Variants in ANO4 observed in about 807,000 individuals in gnomAD.
The protein encoded by ANO4 is anoctamin-4.
ANO4 carries 69 observed loss-of-function variants against 141.9 expected under a neutral mutation model. The ratio of observed to expected loss-of-function variants is 0.49; its 90% CI spans 0.40 to 0.59. The LOEUF is 0.59. Ranked by LOEUF, ANO4 falls within the 20% of genes least tolerant of loss-of-function variation. The pLI is 0.00. For missense variants in ANO4, 894 were observed against 1,162.2 expected (o/e 0.77, Z 3.36); for synonymous variants, 350 against 394.3 (o/e 0.89, Z 1.33).
intron 2 of ANO4, among the ~76,000 whole-genome samples, chr12:100,921,479 C>T (rs1456876517): frequency 1.3e-5 from 2 of 152,118 alleles, no homozygotes; most frequent in South Asian, 2.1e-4. Context: ...TGGCAGACTC[C>T]TCAAATCGGA....
At chr12:101,077,968 G>A (rs892178729) in intron 14 of ANO4, among the ~76,000 whole-genome samples, 1 of 151,964 alleles carries the variant, frequency 6.6e-6, no homozygotes, top group Non-Finnish European at 1.5e-5. Flanking sequence ...TATCTGATCT[G>A]GATTTCAAAT....
chr12:100,770,228 C>T (rs11110510), intron 3 of ANO4, among the ~76,000 whole-genome samples: 18,396 of 152,036 alleles, frequency 0.12, 1,422 homozygotes, highest in East Asian at 0.32. Flanking sequence ...TCAGAATCAC[C>T]GGGAGTGCTT....
chr12:100,752,167 C>G (rs1004944797), intron 3 of ANO4, among the ~76,000 whole-genome samples: 1 of 152,126 alleles, frequency 6.6e-6, no homozygotes, highest in South Asian at 2.1e-4. Context: ...TCCTTCTCTC[C>G]CTTCTCTTAA....
chr12:100,940,583 TG>T (rs1292476843), intron 4 of ANO4, among the ~76,000 whole-genome samples: 2 of 152,226 alleles, frequency 1.3e-5, no homozygotes, highest in Non-Finnish European at 2.9e-5. Context: ...TAGTGAGGAT[TG>T]GTCATCAATT....
intron 3 of ANO4, among the ~76,000 whole-genome samples, chr12:100,933,360 G>A (rs1248228653): frequency 3.9e-5 from 6 of 152,072 alleles, no homozygotes; most frequent in African/African-American, 1.4e-4. Flanking sequence ...ATGAGTGAGA[G>A]CATGCGGTGT....
In ANO4 at chr12:100,974,854, C is replaced by G. The variant is rs1346144989; in HGVS notation, c.567C>G (p.Ile189Met). ...TTTGCTGTTCTTCCAGGAGAAAAAT[C>G]TATTACCTGCCCCGCCGTTACAAGT... ...MNVRMPFRRK[I>M]YYLPRRYKFM... Residue 189 changes from isoleucine to methionine, a missense_variant, in exon 7 of 28, where the codon ATC becomes ATG. Transcript: ENST00000392977. 1.9e-6 allele frequency: 3 copies of G among 1,613,674 alleles called. No individual in the cohort carries two copies. Among genetic ancestry groups the G allele is most frequent in the South Asian group, 1.1e-5 (1 of 91,066 alleles).
chr12:100,959,504 A>G (rs1428053644), intron 5 of ANO4, among the ~76,000 whole-genome samples: 1 of 151,922 alleles, frequency 6.6e-6, no homozygotes, highest in Non-Finnish European at 1.5e-5. Flanking sequence ...CCATCTCCTC[A>G]CCTACCATTC....
chr12:100,807,242 A>G (rs1220958434), intron 1 of ANO4, among the ~76,000 whole-genome samples: 2 of 152,114 alleles, frequency 1.3e-5, no homozygotes, highest in Non-Finnish European at 2.9e-5. Context: ...GATGATTTTT[A>G]CTTGGGCCAA....
intron 8 of ANO4, among the ~76,000 whole-genome samples, chr12:101,004,541 CAG>C (rs1364105056): frequency 6.6e-6 from 1 of 152,142 alleles, no homozygotes; most frequent in Non-Finnish European, 1.5e-5. Context: ...CCTGTACTGA[CAG>C]AGCATATCAG....
chr12:100,987,626 G>C lies in ANO4; in HGVS notation c.690G>C (p.Glu230Asp), dbSNP rs1351509282. The change falls in exon 8 of 28, where the codon GAG becomes GAC. Residue 230 changes from glutamate (E) to aspartate (D), a missense_variant. This residue lies in a region of ANO4 where 637 missense variants were observed against 909.2 expected (regional missense o/e 0.70). Transcript: ENST00000392977. ...LDKETLPDLE[E>D]NDCYTAPFSQ... ...AGGAGACACTGCCAGACCTGGAGGA[G>C]AATGACTGCTACACTGCCCCTTTCA... 6.2e-7 allele frequency: 1 copy of C among 1,613,994 alleles called. No individual in the cohort carries two copies. The highest frequency in any genetic ancestry group is 8.5e-7 in the Non-Finnish European group (1 of 1,180,004).
intron 14 of ANO4, among the ~76,000 whole-genome samples, chr12:101,054,725 C>T (rs1356798132): frequency 6.6e-6 from 1 of 152,210 alleles, no homozygotes; most frequent in Non-Finnish European, 1.5e-5. Context: ...TGGTCTGGAT[C>T]TTCTGACCTT....
intron 2 of ANO4, among the ~76,000 whole-genome samples, chr12:100,914,725 C>A (rs2041257957): frequency 6.6e-6 from 1 of 152,132 alleles, no homozygotes; most frequent in Non-Finnish European, 1.5e-5. Context: ...GAGCTGAATT[C>A]ATTTCCTTTC....
At chr12:100,751,850 G>A (rs561501384) in intron 3 of ANO4, among the ~76,000 whole-genome samples, 1 of 152,290 alleles carries the variant, frequency 6.6e-6, no homozygotes, top group African/African-American at 2.4e-5. Context: ...ATTTAATTTG[G>A]ATTTTGAAGA....
chr12:100,953,152 T>C (rs11614931), intron 5 of ANO4, among the ~76,000 whole-genome samples: 4,203 of 152,356 alleles, frequency 0.028, 79 homozygotes, highest in Middle Eastern at 0.088. Context: ...GTGGGCATTG[T>C]ATTATATTTA....
intron 8 of ANO4, among the ~76,000 whole-genome samples, chr12:101,016,670 C>T (rs1314810690): frequency 2.0e-5 from 3 of 152,168 alleles, no homozygotes. Context: ...TGAGCATGGC[C>T]GGTTTCTGCC....
chr12:100,759,090 A>G (rs536854387), intron 3 of ANO4, among the ~76,000 whole-genome samples: 2 of 152,300 alleles, frequency 1.3e-5, no homozygotes, highest in African/African-American at 4.8e-5. Flanking sequence ...AACTCACCAC[A>G]CTTGGTATTA....
intron 3 of ANO4, among the ~76,000 whole-genome samples, chr12:100,751,989 A>T (rs1221910412): frequency 6.6e-6 from 1 of 152,206 alleles, no homozygotes; most frequent in East Asian, 1.9e-4. Context: ...TTTGTGACTT[A>T]TCATGTTACC....
rs781337778 is a variant in ANO4 at position 101,042,473 on chromosome 12, G to C, written c.1154+5G>C. 6 of 1,613,856 alleles carry C rather than the reference G, an allele frequency of 3.7e-6. No homozygotes were observed. The highest frequency in any genetic ancestry group is 5.1e-6 in the Non-Finnish European group (6 of 1,179,958). ...TCTGGATCACAGCCAAGTCAGGTACGGGGAGCTCTTGGATGAGTTTGCCTT... is the reference window on the plus strand; with the variant it reads ...TCTGGATCACAGCCAAGTCAGGTACCGGGAGCTCTTGGATGAGTTTGCCTT... On this transcript the variant is annotated splice_donor_5th_base_variant and intron_variant, in intron 12 of 27. Transcript: ENST00000392977.
chr12:100,987,781 T>G, intron 8 of ANO4, 111 bp downstream of exon 8: 1 of 1,422,586 alleles, frequency 7.0e-7, no homozygotes, highest in Non-Finnish European at 9.4e-7. Flanking sequence ...CATAGTGCCC[T>G]TCTCCCCTAA....
Sources: allele counts gnomAD v4.1 joint callset (sites outside exome capture counted in the v4.1 genomes callset), GRCh38; gene constraint gnomAD v4.1.1; regional missense constraint gnomAD v4.1.1; transcripts MANE v1.5; gene names NCBI Gene and HGNC (gene_info 2026-07-23, HGNC 2026-07-21).